ZNF622: variants seen among roughly 807,000 people sequenced by gnomAD.
ZNF622 encodes zinc finger protein 622, also known as cytoplasmic 60S subunit biogenesis factor ZNF622.
Under a neutral mutation model 49.7 loss-of-function variants are expected in ZNF622, and 34 were observed. The ratio of observed to expected loss-of-function variants is 0.68; its 90% confidence interval spans 0.52 to 0.91. The LOEUF (loss-of-function observed/expected upper bound fraction) is 0.91, where lower values mean the gene tolerates loss of function less well. ZNF622 is among the 40% of genes least tolerant of loss of function. The pLI, the probability that ZNF622 is intolerant of heterozygous loss-of-function variation, is 0.00. For missense variants in ZNF622, 569 were observed against 616.4 expected (o/e 0.92, Z 0.81); for synonymous variants, 209 against 228.7 (o/e 0.91, Z 0.78).
chr5:16,461,728 T>TCC (rs1738124584), intron 3 of ZNF622, among the ~76,000 whole-genome samples: 1 of 152,178 alleles, frequency 6.6e-6, no homozygotes, highest in African/African-American at 2.4e-5. Context: ...ACAGGTTAAG[T>TCC]TAATGATTCC....
At position 16,458,569 on chromosome 5, in the gene ZNF622, T is replaced by C; in HGVS notation, c.1110A>G (p.Ser370=). Residue 370 remains serine (S), a synonymous_variant, in exon 4 of 6, where the codon TCA becomes TCG. Transcript: ENST00000308683. ...CATCATCATATTCCAAGTTCTTTTC[T>C]GAGGGCAACTCCTCAGCCTTATTGG... ...EDPNKAEELP[S]EKNLEYDDET... 6.2e-7 allele frequency: 1 copy of C among 1,613,938 alleles called. No individual in the cohort carries two copies. Among genetic ancestry groups the C allele is most frequent in the Non-Finnish European group, 8.5e-7 (1 of 1,179,860 alleles).
At chr5:16,464,997 G>T (rs925829610) in intron 1 of ZNF622, 44 bp downstream of exon 1, 4 of 1,525,406 alleles carry the variant, frequency 2.6e-6, no homozygotes, top group Non-Finnish European at 3.5e-6. Context: ...CTTAAGGGTG[G>T]GCCAAGTTCC....
intron 4 of ZNF622, among the ~76,000 whole-genome samples, chr5:16,455,138 G>T (rs1347429523): frequency 6.6e-6 from 1 of 152,196 alleles, no homozygotes; most frequent in Non-Finnish European, 1.5e-5. Context: ...CATTTCCACT[G>T]AAAATGAATA....
rs1295674678 is a variant in ZNF622 at position 16,453,057 on chromosome 5, CG to C, written c.1261del (p.Arg421GlufsTer31). On this transcript the variant is annotated frameshift_variant, in exon 5 of 6. Transcript: ENST00000308683. LOFTEE classifies it high-confidence loss of function. The part of the protein sequence containing the change: ...AVAKNRKAVG[R>X]VLQQYRALGW... The stretch of plus-strand genomic sequence containing the variant: ...CAGGGCTCTGTACTGCTGAAGTACT[CG>C]GCCCACGGCCTTCCGATTTTTGGCA... 1 of 1,574,350 alleles carries C rather than the reference CG, an allele frequency of 6.4e-7. No homozygotes were observed. Among genetic ancestry groups the C allele is most frequent in the Non-Finnish European group, 8.6e-7 (1 of 1,156,742 alleles).
At position 16,463,161 on chromosome 5, in the gene ZNF622, C is replaced by A. The variant is rs893357160; in HGVS notation, c.996G>T (p.Lys332Asn). ...QAHMNDKSHC[K>N]LFTDGDAALE... ...AAGCAGCATCGCCATCTGTGAAGAG[C>A]TTACAGTGGCTTTTGTCATTCATAT... Residue 332 changes from lysine (K) to asparagine (N), a missense_variant, in exon 3 of 6, where the codon AAG becomes AAT. Lys to Asn is a moderately conservative substitution (Grantham distance 94). Transcript: ENST00000308683. The surrounding 1 kb of genome is among the most constrained non-coding windows in gnomAD (Gnocchi z 4.2). 3.1e-6 allele frequency: 5 copies of A among 1,613,738 alleles called. No individual in the cohort carries two copies. The African/African-American group carries it at 5.3e-5, about 17-fold the overall frequency.
rs746520938 is a variant in ZNF622 at position 16,465,216 on chromosome 5, C to T, written c.450G>A (p.Ala150=). The T allele has an allele frequency of 1.2e-5, 19 of 1,614,166 alleles. No individual in the cohort carries two copies. The East Asian group carries it at 2.2e-4, about 19-fold the overall frequency. ...CGACATTCCTGGCCTCCTTTGCAGGCGCTGGGGGCGCCTTCTTGGGAGACA... is the reference window on the plus strand; with the variant it reads ...CGACATTCCTGGCCTCCTTTGCAGGTGCTGGGGGCGCCTTCTTGGGAGACA... ...PSMSPKKAPP[A]PAKEARNVVA... The change falls in exon 1 of 6, where the codon GCG becomes GCA. Residue 150 remains alanine (A), a synonymous_variant. Transcript: ENST00000308683. This position sits in a 1 kb window ranked among gnomAD's most constrained non-coding sequence, Gnocchi z 6.2.
intron 5 of ZNF622, among the ~76,000 whole-genome samples, chr5:16,452,056 T>C (rs1276706945): frequency 6.6e-6 from 1 of 152,142 alleles, no homozygotes; most frequent in Non-Finnish European, 1.5e-5. Flanking sequence ...GCCCAAAAGG[T>C]AAAGCCCCAT....
chr5:16,451,636 T>C lies in ZNF622; in HGVS notation c.*21A>G, dbSNP rs780320874. 6 of 1,610,510 alleles carry C rather than the reference T, an allele frequency of 3.7e-6. No homozygotes were observed. The highest frequency in any genetic ancestry group is 4.2e-6 in the Non-Finnish European group (5 of 1,178,106). ...AGGAGGAAACTTGGGCAGGAGATGA[T>C]TGCTCAATCCCAGCAGACTCTCAGA... On this transcript the variant is annotated 3_prime_UTR_variant, in exon 6 of 6. Transcript: ENST00000308683.
At chr5:16,453,973 G>T (rs922753105) in intron 4 of ZNF622, among the ~76,000 whole-genome samples, 12 of 152,064 alleles carry the variant, frequency 7.9e-5, no homozygotes, top group African/African-American at 2.7e-4. Context: ...AATTTTAAAA[G>T]GTGATTAAGT....
Position 16,451,523 on chromosome 5 carries a change from G to T in ZNF622, c.*134C>A. ...AAAACGACATCTGAAAACTCATATG[G>T]TTCTAACTTTTATTATTAGGTCAGA... On this transcript the variant is annotated 3_prime_UTR_variant, in exon 6 of 6. Coordinates refer to ENST00000308683, the MANE Select transcript of ZNF622 (RefSeq NM_033414.3). The T allele has an allele frequency of 1.6e-6, 2 of 1,268,800 alleles. No individual in the cohort carries two copies. The highest frequency in any genetic ancestry group is 2.2e-6 in the Non-Finnish European group (2 of 929,588). The allele number at this position is 1,268,800 out of a possible 1,614,324, so 78.6% of individuals were successfully genotyped here.
chr5:16,463,432 C>A lies in ZNF622; in HGVS notation c.886+50G>T, dbSNP rs1387682680. Reference sequence around the variant, plus strand: ...AACTAATGTTCCCTTGAGACCAGTCCCCCAATAATGTGATTATTTCCTCAT... The same window carrying A: ...AACTAATGTTCCCTTGAGACCAGTCACCCAATAATGTGATTATTTCCTCAT... On this transcript the variant is annotated intron_variant, in intron 2 of 5. Coordinates refer to ENST00000308683, the MANE Select transcript of ZNF622 (RefSeq NM_033414.3). The surrounding 1 kb of genome is among the most constrained non-coding windows in gnomAD (Gnocchi z 4.2). 1 of 1,552,716 alleles carries A rather than the reference C, an allele frequency of 6.4e-7. No individual in the cohort carries two copies. Among genetic ancestry groups the A allele is most frequent in the Admixed American group, 1.9e-5 (1 of 53,788 alleles).
intron 3 of ZNF622, among the ~76,000 whole-genome samples, chr5:16,459,276 A>G (rs912277939): frequency 1.3e-5 from 2 of 152,222 alleles, no homozygotes; most frequent in Non-Finnish European, 2.9e-5. Context: ...AGTAAACCAG[A>G]CAACCTAATA....
intron 4 of ZNF622, among the ~76,000 whole-genome samples, chr5:16,456,502 C>T (rs971443535): frequency 6.6e-6 from 1 of 152,046 alleles, no homozygotes; most frequent in South Asian, 2.1e-4. Flanking sequence ...ATTTAGTGTC[C>T]CAGCAGCAGG....
chr5:16,455,773 C>T (rs1020420608), intron 4 of ZNF622, among the ~76,000 whole-genome samples: 3 of 152,166 alleles, frequency 2.0e-5, no homozygotes, highest in Non-Finnish European at 2.9e-5. Flanking sequence ...TCCTACAGCA[C>T]GTTGGCCTTT....
At position 16,454,995 on chromosome 5, in the gene ZNF622, C is replaced by T. The variant is rs547184065; in HGVS notation, c.1163-1839G>A. On this transcript the variant is annotated intron_variant, in intron 4 of 5. Coordinates refer to ENST00000308683, the MANE Select transcript of ZNF622 (RefSeq NM_033414.3). ...TGCAAAGCCAGTGTCATCAGCATTACCTAAAAGCTTACTAAATACACACTA... is the reference window on the plus strand; with the variant it reads ...TGCAAAGCCAGTGTCATCAGCATTATCTAAAAGCTTACTAAATACACACTA... Among the ~76,000 whole-genome samples, 16 of 152,278 alleles carry T rather than the reference C, an allele frequency of 1.1e-4. No individual in the cohort carries two copies. In the South Asian group the frequency reaches 3.1e-3, roughly 30 times the overall value.
rs554054258 is a variant in ZNF622, at chr5:16,463,523, A to G, written c.845T>C (p.Ile282Thr). ...TCCCTTAATATCTGAAAGATATTCTATATCAGGAATAAAGAAACTGTGGTC... is the reference window on the plus strand; with the variant it reads ...TCCCTTAATATCTGAAAGATATTCTGTATCAGGAATAAAGAAACTGTGGTC... ...TKDHSFFIPD[I>T]EYLSDIKGLI... is the part of the protein sequence containing the mutation. Residue 282 changes from isoleucine to threonine, a missense_variant, in exon 2 of 6, where the codon ATA (isoleucine) becomes ACA (threonine). Transcript: ENST00000308683. The surrounding 1 kb of genome is among the most constrained non-coding windows in gnomAD (Gnocchi z 4.2). 8.7e-6 allele frequency: 14 copies of G among 1,612,986 alleles called. No individual in the cohort carries two copies. The African/African-American group carries it at 9.3e-5, about 11-fold the overall frequency.
chr5:16,459,200 T>C (rs1480855401), intron 3 of ZNF622, among the ~76,000 whole-genome samples: 4 of 152,182 alleles, frequency 2.6e-5, no homozygotes, highest in African/African-American at 9.7e-5. Flanking sequence ...CCTAAAAATG[T>C]TGACAAAGGC....
Position 16,465,003 on chromosome 5 carries a change from GT to G in ZNF622, c.625+37del. 6.5e-7 allele frequency: 1 copy of G among 1,529,624 alleles called. No homozygotes were observed. Among genetic ancestry groups the G allele is most frequent in the Non-Finnish European group, 8.8e-7 (1 of 1,140,444 alleles). The allele number at this position is 1,529,624 out of a possible 1,614,324, so 94.8% of individuals were successfully genotyped here. On this transcript the variant is annotated intron_variant, in intron 1 of 5. Transcript: ENST00000308683. The surrounding 1 kb of genome is among the most constrained non-coding windows in gnomAD (Gnocchi z 6.2). The stretch of plus-strand genomic sequence containing the variant: ...ATCTGGAAACTTAAGGGTGGGCCAA[GT>G]TCCTCTTTACCCTCCCCGCCCAGAC...
chr5:16,462,628 T>C (rs762875772), intron 3 of ZNF622, among the ~76,000 whole-genome samples: 4 of 152,124 alleles, frequency 2.6e-5, no homozygotes, highest in Non-Finnish European at 5.9e-5. Flanking sequence ...TCCTCCAGCC[T>C]GGGTGACAGC....
Sources: allele counts gnomAD v4.1 joint callset (sites outside exome capture counted in the v4.1 genomes callset), GRCh38; gene constraint gnomAD v4.1.1; non-coding constraint Gnocchi (gnomAD v3.1); transcripts MANE v1.5; gene names NCBI Gene and HGNC (gene_info 2026-07-23, HGNC 2026-07-21).